SV2C: variants seen among roughly 807,000 people sequenced by gnomAD.
SV2C encodes solute carrier family 22 member B3.
A neutral mutation model predicts 79.7 loss-of-function variants in SV2C; 49 were observed. The ratio of observed to expected loss-of-function variants is 0.61; its 90% confidence interval spans 0.49 to 0.78. The LOEUF (loss-of-function observed/expected upper bound fraction) is 0.78. SV2C is among the 30% of genes least tolerant of loss of function. The probability of loss-of-function intolerance (pLI) is 0.00; values close to 1 mark genes in which losing one functional copy is unlikely to be tolerated. For synonymous variants in SV2C, 334 were observed against 333.2 expected, an observed-to-expected ratio of 1.00 and a Z score of -0.03; for missense variants, 833 against 912.9, an observed-to-expected ratio of 0.91 and a Z score of 1.13.
chr5:76,119,907 AT>A (rs1748424242), intron 1 of SV2C, among the ~76,000 whole-genome samples: 1 of 152,192 alleles, frequency 6.6e-6, no homozygotes, highest in African/African-American at 2.4e-5. Context: ...ATCTATTGAT[AT>A]TTACCGTAGT....
rs192177718 is a variant in SV2C at position 76,206,672 on chromosome 5, A to G, written c.762-3064A>G. 3.9e-5 allele frequency among the ~76,000 whole-genome samples: 6 copies of G among 152,348 alleles called. No individual in the cohort carries two copies. The East Asian group carries it at 7.7e-4, about 20-fold the overall frequency. Reference sequence around the variant, plus strand: ...CAGTTCTTTTGCGTAAACACTTAGCACATGTCCACTGGGCCAGTTAATGGG... The same window carrying G: ...CAGTTCTTTTGCGTAAACACTTAGCGCATGTCCACTGGGCCAGTTAATGGG... On this transcript the variant is annotated intron_variant, in intron 3 of 12. Transcript: ENST00000502798.
chr5:76,119,655 G>A (rs761901795), intron 1 of SV2C, among the ~76,000 whole-genome samples: 1 of 151,898 alleles, frequency 6.6e-6, no homozygotes, highest in Non-Finnish European at 1.5e-5. Flanking sequence ...TAATTGAGAA[G>A]TTTGTGACCC....
intron 2 of SV2C, among the ~76,000 whole-genome samples, chr5:76,161,132 A>C (rs950757115): frequency 2.0e-5 from 3 of 152,218 alleles, no homozygotes; most frequent in African/African-American, 7.2e-5. Context: ...ATGACCATAA[A>C]TTAATGAATA....
the SV2C span, among the ~76,000 whole-genome samples, chr5:75,853,694 T>C: frequency 6.7e-6 from 1 of 148,430 alleles, no homozygotes; most frequent in Non-Finnish European, 1.5e-5. Context: ...TATTACAAAT[T>C]CATTGTCAAG....
the SV2C span, among the ~76,000 whole-genome samples, chr5:75,871,392 G>A: frequency 6.6e-6 from 1 of 152,000 alleles, no homozygotes; most frequent in Non-Finnish European, 1.5e-5. Flanking sequence ...GAATTGAGAA[G>A]TATAAATACT....
At chr5:76,286,625 GTATTAGTCC>G (rs1442007653) in intron 6 of SV2C, 1 of 152,158 alleles carries the variant, frequency 6.6e-6, no homozygotes, top group Non-Finnish European at 1.5e-5. Context: ...GTTTCCTGAT[GTATTAGTCC>G]ATTTTCATGC....
At position 76,225,628 on chromosome 5, in the gene SV2C, G is replaced by A. The variant is rs147801193; in HGVS notation, c.913+15741G>A. On this transcript the variant is annotated intron_variant, in intron 4 of 12. Transcript: ENST00000502798. ...GCTCTTGTGTAATCTAGTGGTAGCC[G>A]AAGAGATGAGCCATTTAAGCCATTT... Among the ~76,000 whole-genome samples the A allele has an allele frequency of 6.3e-4, 96 of 152,196 alleles. No homozygotes were observed. In the Middle Eastern group the frequency reaches 0.014, roughly 22 times the overall value.
At chr5:75,865,082 C>A in the SV2C span, among the ~76,000 whole-genome samples, 2 of 152,204 alleles carry the variant, frequency 1.3e-5, no homozygotes, top group East Asian at 3.8e-4. Context: ...ACAGACTTAA[C>A]ACACTTTCTG....
At chr5:76,168,524 T>C (rs1411039853) in intron 2 of SV2C, among the ~76,000 whole-genome samples, 1 of 152,174 alleles carries the variant, frequency 6.6e-6, no homozygotes, top group Admixed American at 6.5e-5. Flanking sequence ...TTGGAGATGA[T>C]GTCGTGAAGG....
the SV2C span, among the ~76,000 whole-genome samples, chr5:75,998,605 A>AGT: frequency 9.2e-5 from 14 of 151,756 alleles, no homozygotes; most frequent in South Asian, 2.1e-4. Context: ...AGAACATGAT[A>AGT]GTGTGTGTGT....
chr5:75,968,411 G>T, the SV2C span, among the ~76,000 whole-genome samples: 29 of 152,082 alleles, frequency 1.9e-4, no homozygotes, highest in African/African-American at 7.0e-4. Context: ...CAATGGCAAA[G>T]AAGTTAAAAA....
chr5:75,990,554 G>T, the SV2C span, among the ~76,000 whole-genome samples: 15 of 151,846 alleles, frequency 9.9e-5, no homozygotes, highest in Admixed American at 1.3e-4. Flanking sequence ...TCTCTTACAG[G>T]TTTCTGCAGT....
the SV2C span, among the ~76,000 whole-genome samples, chr5:75,908,259 A>G: frequency 6.6e-6 from 1 of 152,204 alleles, no homozygotes; most frequent in African/African-American, 2.4e-5. Flanking sequence ...TTCTGGACAT[A>G]TCATACAGAT....
At chr5:76,228,178 G>A (rs2112392488) in intron 4 of SV2C, among the ~76,000 whole-genome samples, 1 of 152,118 alleles carries the variant, frequency 6.6e-6, no homozygotes, top group Admixed American at 6.5e-5. Flanking sequence ...TATTGAACAT[G>A]TCAGGCATTC....
intron 8 of SV2C, 64 bp downstream of exon 8, chr5:76,291,920 A>G: frequency 1.6e-6 from 2 of 1,228,150 alleles, no homozygotes; most frequent in Non-Finnish European, 2.3e-6. Context: ...ACTCCTAGCC[A>G]TGCTGCTTTC....
intron 6 of SV2C, among the ~76,000 whole-genome samples, chr5:76,288,164 A>T (rs1747418140): frequency 6.6e-6 from 1 of 152,188 alleles, no homozygotes; most frequent in Admixed American, 6.5e-5. Flanking sequence ...ATAAGTGGGA[A>T]CCTAAATAAG....
the SV2C span, among the ~76,000 whole-genome samples, chr5:75,888,947 C>T: frequency 6.6e-6 from 1 of 152,156 alleles, no homozygotes; most frequent in African/African-American, 2.4e-5. Context: ...ATCAGGATGT[C>T]AGCAGGGTTG....
chr5:76,005,191 CCTT>C, the SV2C span, among the ~76,000 whole-genome samples: 4 of 152,122 alleles, frequency 2.6e-5, no homozygotes, highest in African/African-American at 9.7e-5. Flanking sequence ...CAGCCTCACA[CCTT>C]CTCTTTGCCT....
intron 1 of SV2C, among the ~76,000 whole-genome samples, chr5:76,100,498 A>G (rs1747705505): frequency 6.6e-6 from 1 of 152,206 alleles, no homozygotes; most frequent in African/African-American, 2.4e-5. Context: ...TCTTAACAGG[A>G]TTGAAGAAAA....
Sources: allele counts gnomAD v4.1 joint callset (sites outside exome capture counted in the v4.1 genomes callset), GRCh38; gene constraint gnomAD v4.1.1; transcripts MANE v1.5; gene names NCBI Gene and HGNC (gene_info 2026-07-23, HGNC 2026-07-21).